COL26A1: variants seen among roughly 807,000 people sequenced by gnomAD.
COL26A1 encodes the protein collagen alpha-1(XXVI) chain.
A neutral mutation model predicts 59.3 loss-of-function variants in COL26A1; 41 were observed. That is an observed-to-expected ratio of 0.69 (90% CI 0.54 to 0.90). The LOEUF (loss-of-function observed/expected upper bound fraction) is 0.90. Ranked by LOEUF, COL26A1 falls within the 40% of genes least tolerant of loss-of-function variation. COL26A1 has a pLI of 0.00. For synonymous variants in COL26A1, 266 were observed against 256.0 expected (o/e 1.04, Z -0.37); for missense variants, 612 against 602.3 (o/e 1.02, Z -0.17).
chr7:101,453,082 G>A (rs565677826), intron 3 of COL26A1, among the ~76,000 whole-genome samples: 1 of 152,114 alleles, frequency 6.6e-6, no homozygotes, highest in Non-Finnish European at 1.5e-5. Context: ...TAATGGGGGT[G>A]GGGGAGCAGA....
chr7:101,433,427 C>A (rs889257698), intron 2 of COL26A1, among the ~76,000 whole-genome samples: 1 of 152,064 alleles, frequency 6.6e-6, no homozygotes, highest in Admixed American at 6.6e-5. Context: ...CCCAGCCTTA[C>A]AGGTGGGGCT....
chr7:101,387,022 C>T (rs1473588656), intron 1 of COL26A1, among the ~76,000 whole-genome samples: 1 of 152,144 alleles, frequency 6.6e-6, no homozygotes, highest in Non-Finnish European at 1.5e-5. Context: ...GGTTACCGCA[C>T]ACCAGGAAAC....
At chr7:101,497,492 T>C (rs1794615446) in intron 3 of COL26A1, among the ~76,000 whole-genome samples, 1 of 151,344 alleles carries the variant, frequency 6.6e-6, no homozygotes, top group Non-Finnish European at 1.5e-5. Context: ...CTCGGCAACA[T>C]AGCAAAATCC....
chr7:101,375,651 G>A (rs370726507), intron 1 of COL26A1, among the ~76,000 whole-genome samples: 26 of 151,778 alleles, frequency 1.7e-4, no homozygotes, highest in African/African-American at 5.1e-4. Flanking sequence ...ACCAGCCTGG[G>A]CAACATAGCA....
chr7:101,544,715 T>A (rs182606116), intron 6 of COL26A1, among the ~76,000 whole-genome samples: 74 of 151,720 alleles, frequency 4.9e-4, no homozygotes, highest in Non-Finnish European at 9.0e-4. Flanking sequence ...GTATTTTTAG[T>A]AGAGACAGGG....
At position 101,431,966 on chromosome 7, in the gene COL26A1, A is replaced by ATTT. The variant is rs35468529; in HGVS notation, c.281+11882_281+11884dup. Among the ~76,000 whole-genome samples the ATTT allele has an allele frequency of 1.0e-2, 1,334 of 133,582 alleles. 36 individuals carry two copies. The highest frequency in any genetic ancestry group is 0.036 in the African/African-American group (1,277 of 35,472). 87.6% of individuals were successfully genotyped at this position (133,582 alleles called of 152,430 possible). ...ACCACCATGCTTGGCTAATTTTATA[A>ATTT]TTTTTTTTTTTTTTTTTGGAGACGA... On this transcript the variant is annotated intron_variant, in intron 2 of 12. Transcript: ENST00000313669.
chr7:101,549,124 G>T, intron 8 of COL26A1, 47 bp from the exon 9 acceptor site: 1 of 1,094,026 alleles, frequency 9.1e-7, no homozygotes, highest in Non-Finnish European at 1.3e-6. Context: ...GAGGCTGGGG[G>T]CGCCCCCTCT....
intron 1 of COL26A1, among the ~76,000 whole-genome samples, chr7:101,387,448 A>AAAG (rs147454415): frequency 0.061 from 9,230 of 151,606 alleles, 643 homozygotes; most frequent in African/African-American, 0.16. Flanking sequence ...GGAAAAGTGA[A>AAAG]AAATCATTTA....
chr7:101,389,008 TG>T, intron 1 of COL26A1: 2 of 305,412 alleles, frequency 6.5e-6, no homozygotes, highest in South Asian at 3.5e-5. Context: ...TTCCCCTTCT[TG>T]GGCTTTTTAG....
chr7:101,487,306 C>CT (rs1167224482), intron 3 of COL26A1, among the ~76,000 whole-genome samples: 8 of 151,990 alleles, frequency 5.3e-5, no homozygotes, highest in Admixed American at 4.6e-4. Flanking sequence ...AGATACCCAG[C>CT]TTTACCCTTT....
At chr7:101,555,999 C>T (rs893740889) in intron 12 of COL26A1, 128 bp downstream of exon 12, 44 of 741,966 alleles carry the variant, frequency 5.9e-5, no homozygotes, top group Non-Finnish European at 9.0e-5. Context: ...CCCTCCCCCT[C>T]CCCTGCTCAA....
chr7:101,405,986 G>A (rs906379576), intron 1 of COL26A1, among the ~76,000 whole-genome samples: 12 of 152,314 alleles, frequency 7.9e-5, no homozygotes, highest in African/African-American at 2.9e-4. Context: ...AAGCTGAGAG[G>A]CTGGTGGCAC....
At chr7:101,394,661 G>A (rs1189919806) in intron 1 of COL26A1, among the ~76,000 whole-genome samples, 2 of 144,576 alleles carry the variant, frequency 1.4e-5, no homozygotes, top group African/African-American at 5.1e-5. Flanking sequence ...GGGCTGAAGC[G>A]ATCCTCCTGC....
At chr7:101,551,347 G>A (rs1032094212) in intron 10 of COL26A1, among the ~76,000 whole-genome samples, 5 of 152,190 alleles carry the variant, frequency 3.3e-5, no homozygotes, top group Non-Finnish European at 5.9e-5. Context: ...CAGAGAGTGC[G>A]CTGACAGTCC....
At chr7:101,406,522 TG>T (rs1792133081) in intron 1 of COL26A1, among the ~76,000 whole-genome samples, 1 of 152,166 alleles carries the variant, frequency 6.6e-6, no homozygotes, top group South Asian at 2.1e-4. Context: ...AGGGGGCTGT[TG>T]GGGGGCTATG....
chr7:101,543,962 A>G lies in COL26A1; in HGVS notation c.605-36A>G, dbSNP rs994569821. On this transcript the variant is annotated intron_variant, in intron 5 of 12. Coordinates refer to ENST00000313669, the MANE Select transcript of COL26A1 (RefSeq NM_001278563.3). The stretch of plus-strand genomic sequence containing the variant: ...TGGAGCCACTGGAGGCTGGGGGTCC[A>G]CCATGTTCTGATGCCCTGTCTCCTT... 24 of 1,470,648 alleles carry G rather than the reference A, an allele frequency of 1.6e-5. No individual in the cohort carries two copies. The African/African-American group carries it at 2.9e-4, about 18-fold the overall frequency. 91.1% of individuals were successfully genotyped at this position (1,470,648 alleles called of 1,614,324 possible).
Position 101,555,792 on chromosome 7 carries a change from G to T in COL26A1, c.1086G>T (p.Glu362Asp). 6.2e-7 allele frequency: 1 copy of T among 1,609,086 alleles called. No individual in the cohort carries two copies. ...EGEKAATAEG[E>D]GVQQLREALK... ...GCCTGTTTCCTCCCCGCCAGGGCGAGGGGGTGCAGCAGCTGAGAGAGGCCC... is the reference window on the plus strand; with the variant it reads ...GCCTGTTTCCTCCCCGCCAGGGCGATGGGGTGCAGCAGCTGAGAGAGGCCC... Residue 362 changes from glutamate to aspartate, a missense_variant, in exon 12 of 13, where the codon GAG becomes GAT. By Grantham distance (45) the Glu-to-Asp change is conservative. Transcript: ENST00000313669.
intron 1 of COL26A1, among the ~76,000 whole-genome samples, chr7:101,412,847 C>T (rs1166984048): frequency 2.6e-5 from 4 of 152,112 alleles, no homozygotes; most frequent in Non-Finnish European, 5.9e-5. Flanking sequence ...ACTAAGAACC[C>T]TCCCTGGCTA....
rs889603910 is a variant in COL26A1 at position 101,362,922 on chromosome 7, C to T, written c.-111C>T. ...GCACCCGGGCTCCGACCGCTCGCCCCGCTCCTCTCGCTGTGCTCCCGGCCG... is the reference window on the plus strand; with the variant it reads ...GCACCCGGGCTCCGACCGCTCGCCCTGCTCCTCTCGCTGTGCTCCCGGCCG... On this transcript the variant is annotated 5_prime_UTR_variant, in exon 1 of 13. Coordinates refer to ENST00000313669, the MANE Select transcript of COL26A1 (RefSeq NM_001278563.3). 3.5e-6 allele frequency: 4 copies of T among 1,159,138 alleles called. No homozygotes were observed. The highest frequency in any genetic ancestry group is 1.6e-5 in the African/African-American group (1 of 61,098). 71.8% of individuals were successfully genotyped at this position (1,159,138 alleles called of 1,614,324 possible).
Sources: allele counts gnomAD v4.1 joint callset (sites outside exome capture counted in the v4.1 genomes callset), GRCh38; gene constraint gnomAD v4.1.1; transcripts MANE v1.5; gene names NCBI Gene and HGNC (gene_info 2026-07-23, HGNC 2026-07-21).